Variants in NUFIP2 observed in about 807,000 individuals in gnomAD.
NUFIP2 encodes the protein nuclear FMR1 interacting protein 2.
Under a neutral mutation model 56.9 loss-of-function variants are expected in NUFIP2, and 6 were observed. The observed-to-expected ratio is 0.11, with a 90% CI of 0.06 to 0.21. NUFIP2 has a LOEUF of 0.21. Ranked by LOEUF, NUFIP2 falls within the 10% of genes least tolerant of loss-of-function variation. The pLI is 1.00. For missense variants in NUFIP2, 828 were observed against 826.8 expected, an observed-to-expected ratio of 1.00 and a Z score of -0.02; for synonymous variants, 321 against 298.2, an observed-to-expected ratio of 1.08 and a Z score of -0.79.
intron 3 of NUFIP2, among the ~76,000 whole-genome samples, chr17:29,266,241 C>G (rs1225390340): frequency 6.6e-6 from 1 of 150,890 alleles, no homozygotes; most frequent in Non-Finnish European, 1.5e-5. Flanking sequence ...TGCTGGGATT[C>G]CAGGCGTGAG....
chr17:29,285,960 A>G (rs376115842), intron 2 of NUFIP2, 32 bp downstream of exon 2: 13 of 1,537,614 alleles, frequency 8.5e-6, no homozygotes, highest in South Asian at 6.1e-5. Context: ...ATTGGCCAAT[A>G]AAAATCTTTG....
At chr17:29,284,785 A>G (rs1374500575) in intron 2 of NUFIP2, among the ~76,000 whole-genome samples, 1 of 151,832 alleles carries the variant, frequency 6.6e-6, no homozygotes, top group East Asian at 1.9e-4. Context: ...GGTTCCCTTT[A>G]AACTTGGGCT....
chr17:29,269,851 A>C (rs552289097), intron 2 of NUFIP2, among the ~76,000 whole-genome samples: 1 of 152,044 alleles, frequency 6.6e-6, no homozygotes, highest in East Asian at 1.9e-4. Context: ...TTCCCGAGTA[A>C]CTGGGACTAC....
chr17:29,269,519 T>G (rs1598430342), intron 2 of NUFIP2, among the ~76,000 whole-genome samples: 1 of 152,062 alleles, frequency 6.6e-6, no homozygotes, highest in African/African-American at 2.4e-5. Context: ...TTTTTTTTTT[T>G]GCACAGGGGG....
Position 29,293,846 on chromosome 17 carries a change from G to C in NUFIP2, c.214C>G (p.Pro72Ala), listed in dbSNP as rs774812355. The C allele has an allele frequency of 4.1e-5, 66 of 1,610,878 alleles. No homozygotes were observed. The Admixed American group carries it at 1.1e-3, about 26-fold the overall frequency. ...GTGTGTTTCTGCTCATGTTTCAGCGGCTTTGGCTGGGCCTTGGGGCTGCCC... is the reference window on the plus strand; with the variant it reads ...GTGTGTTTCTGCTCATGTTTCAGCGCCTTTGGCTGGGCCTTGGGGCTGCCC... ...AEGSPKAQPK[P>A]LKHEQKHTLQ... The change falls in exon 1 of 4, where the codon CCG (proline) becomes GCG (alanine). Residue 72 changes from proline to alanine, a missense_variant. Around this residue, in one of 3 missense-constraint regions of NUFIP2, gnomAD observed 415 missense variants for 408.7 expected, o/e 1.02. Transcript: ENST00000225388.
At chr17:29,290,238 T>A (rs1049202580) in intron 1 of NUFIP2, among the ~76,000 whole-genome samples, 2 of 152,184 alleles carry the variant, frequency 1.3e-5, no homozygotes, top group African/African-American at 4.8e-5. Context: ...GTTACATTTT[T>A]AAAAATTTTT....
chr17:29,272,692 G>A (rs2069082416), intron 2 of NUFIP2, among the ~76,000 whole-genome samples: 2 of 152,102 alleles, frequency 1.3e-5, no homozygotes, highest in South Asian at 4.1e-4. Context: ...GACCAGAAGT[G>A]TTTTAGATTT....
chr17:29,287,440 G>A lies in NUFIP2; in HGVS notation c.554C>T (p.Pro185Leu). Residue 185 changes from proline (P) to leucine (L), a missense_variant, in exon 2 of 4, where the codon CCA becomes CTA. This residue lies in a region of NUFIP2 where 415 missense variants were observed against 408.7 expected (regional missense o/e 1.02). Transcript: ENST00000225388. Reference protein sequence around the residue: ...NQSVDKSDTIPIPNGVVTNNS... With the variant: ...NQSVDKSDTILIPNGVVTNNS... ...ATTTGTTACCACACCATTTGGAATT[G>A]GTATAGTATCAGACTTATCTACAGA... 1 of 1,613,918 alleles carries A rather than the reference G, an allele frequency of 6.2e-7. No homozygotes were observed. The highest frequency in any genetic ancestry group is 8.5e-7 in the Non-Finnish European group (1 of 1,179,920).
rs1567672572 is a variant in NUFIP2 at position 29,256,061 on chromosome 17, T to TA, written c.*8477dup. On this transcript the variant is annotated 3_prime_UTR_variant, in exon 4 of 4. Coordinates refer to ENST00000225388, the MANE Select transcript of NUFIP2 (RefSeq NM_020772.3). ...GAATCCATGACATCAGAAACAGCTATAGCAAATACCTAAGCATTTAGCAAA... is the reference window on the plus strand; with the variant it reads ...GAATCCATGACATCAGAAACAGCTATAAGCAAATACCTAAGCATTTAGCAAA... 1.3e-5 allele frequency: 2 copies of TA among 152,366 alleles called. No individual in the cohort carries two copies. Among genetic ancestry groups the TA allele is most frequent in the South Asian group, 4.1e-4 (2 of 4,830 alleles). The allele number at this position is 152,366 out of a possible 1,614,324, so 9.4% of individuals were successfully genotyped here. A position where few individuals can be genotyped will look rare whatever the true frequency, so the allele number is the denominator to read the frequency against.
intron 2 of NUFIP2, 80 bp from the exon 3 acceptor site, chr17:29,267,610 A>T (rs892428797): frequency 1.2e-6 from 1 of 862,056 alleles, no homozygotes; most frequent in Non-Finnish European, 1.8e-6. Flanking sequence ...TAAATCTAAA[A>T]ATCCTAGACT....
At chr17:29,290,472 T>C (rs930371888) in intron 1 of NUFIP2, among the ~76,000 whole-genome samples, 1 of 150,712 alleles carries the variant, frequency 6.6e-6, no homozygotes, top group African/African-American at 2.4e-5. Flanking sequence ...CCGGCCAACA[T>C]GGTGAAGTCC....
chr17:29,273,078 C>T (rs192731590), intron 2 of NUFIP2, among the ~76,000 whole-genome samples: 162 of 151,806 alleles, frequency 1.1e-3, no homozygotes, highest in African/African-American at 3.8e-3. Context: ...GTCTCACTGT[C>T]ACCCAGGCTG....
In NUFIP2 at chr17:29,265,504, G is replaced by A. The variant is rs1422054892; in HGVS notation, c.2036-913C>T. 1.1e-3 allele frequency among the ~76,000 whole-genome samples: 160 copies of A among 147,206 alleles called. 1 individual carries two copies. The highest frequency in any genetic ancestry group is 2.4e-3 in the Admixed American group (36 of 14,820). On this transcript the variant is annotated intron_variant, in intron 3 of 3. Transcript: ENST00000225388. Reference sequence around the variant, plus strand: ...TTTTTAGTAGACACGGGGTTTCACCGTGTTAGCCAGGATGGTCTCGATCTC... The same window carrying A: ...TTTTTAGTAGACACGGGGTTTCACCATGTTAGCCAGGATGGTCTCGATCTC...
Position 29,259,185 on chromosome 17 carries a change from A to G in NUFIP2, c.*5354T>C, listed in dbSNP as rs1293625781. ...ATGGAAAGCTATGTAATTTGCCCTC[A>G]AGTTAATTTGTTGGTCTGAAGAGTA... On this transcript the variant is annotated 3_prime_UTR_variant, in exon 4 of 4. Coordinates refer to ENST00000225388, the MANE Select transcript of NUFIP2 (RefSeq NM_020772.3). The G allele has an allele frequency of 6.6e-6, 1 of 152,210 alleles. No individual in the cohort carries two copies. Among genetic ancestry groups the G allele is most frequent in the Non-Finnish European group, 1.5e-5 (1 of 68,030 alleles). 9.4% of individuals were successfully genotyped at this position (152,210 alleles called of 1,614,324 possible). A position where few individuals can be genotyped will look rare whatever the true frequency, so the allele number is the denominator to read the frequency against.
chr17:29,265,548 C>T (rs1189892267), intron 3 of NUFIP2, among the ~76,000 whole-genome samples: 14 of 148,056 alleles, frequency 9.5e-5, no homozygotes, highest in Admixed American at 4.0e-4. Context: ...GTGATCCGCC[C>T]GCCTCGGCCT....
chr17:29,289,461 G>A (rs2069197692), intron 1 of NUFIP2, among the ~76,000 whole-genome samples: 1 of 152,080 alleles, frequency 6.6e-6, no homozygotes, highest in African/African-American at 2.4e-5. Flanking sequence ...GCATGGTGGT[G>A]CACGCCTGTA....
chr17:29,268,912 T>G (rs548820101), intron 2 of NUFIP2, among the ~76,000 whole-genome samples: 1 of 152,182 alleles, frequency 6.6e-6, no homozygotes, highest in Non-Finnish European at 1.5e-5. Flanking sequence ...TTTGTTCTAA[T>G]TTCATCCAAA....
chr17:29,293,545 G>T (rs541456997), intron 1 of NUFIP2, among the ~76,000 whole-genome samples: 1 of 152,122 alleles, frequency 6.6e-6, no homozygotes, highest in Non-Finnish European at 1.5e-5. Context: ...AGCCGGGGCC[G>T]GGGCCAGGAA....
chr17:29,265,866 T>A (rs2153010750), intron 3 of NUFIP2, among the ~76,000 whole-genome samples: 1 of 152,196 alleles, frequency 6.6e-6, no homozygotes, highest in African/African-American at 2.4e-5. Flanking sequence ...TTTCTGGGAC[T>A]CCTAGGGCCA....
Sources: gnomAD v4.1 joint callset for allele counts (sites outside exome capture counted in the v4.1 genomes callset) on GRCh38, gnomAD v4.1.1 for gene constraint, gnomAD v4.1.1 regional missense constraint, MANE v1.5 for transcripts, NCBI Gene and HGNC (gene_info 2026-07-23, HGNC 2026-07-21) for gene names.